The following SH3KBP1 variants were observed in gnomAD, a reference collection of about 807,000 sequenced individuals.
The protein encoded by SH3KBP1 is SH3 domain-containing kinase-binding protein 1.
In SH3KBP1, 8 loss-of-function variants were observed where a neutral mutation model predicts 50.1. The observed-to-expected ratio is 0.16, with a 90% confidence interval of 0.09 to 0.29. The LOEUF (loss-of-function observed/expected upper bound fraction) is 0.29, where lower values mean the gene tolerates loss of function less well. Among genes scored for constraint, SH3KBP1 ranks in the 10% least tolerant of loss-of-function variants. The pLI is 1.00. For missense variants in SH3KBP1, 377 were observed against 535.2 expected (o/e 0.70, Z 2.92); for synonymous variants, 227 against 218.6 (o/e 1.04, Z -0.34).
chrX:19,798,705 A>G (rs1233158228), intron 2 of SH3KBP1, among the ~76,000 whole-genome samples: 2 of 112,139 alleles, frequency 1.8e-5, no homozygotes, highest in African/African-American at 3.2e-5. Flanking sequence ...GATCAAACCT[A>G]TGACACTGAC....
At chrX:19,652,656 T>C (rs2062158239) in intron 6 of SH3KBP1, among the ~76,000 whole-genome samples, 1 of 112,580 alleles carries the variant, frequency 8.9e-6, no homozygotes, top group Non-Finnish European at 1.9e-5. Flanking sequence ...CTTCAGTTAC[T>C]GTTTAACTTT....
At chrX:19,608,194 G>C (rs1031323054) in intron 8 of SH3KBP1, 149 bp from the exon 9 acceptor site, 5 of 437,280 alleles carry the variant, frequency 1.1e-5, no homozygotes, top group Non-Finnish European at 1.9e-5. Flanking sequence ...CCCAATGTCA[G>C]AGGGGAAAAC....
chrX:19,686,464 A>G (rs940578690), intron 5 of SH3KBP1, among the ~76,000 whole-genome samples: 1 of 111,302 alleles, frequency 9.0e-6, no homozygotes, highest in Non-Finnish European at 1.9e-5. Context: ...ACAGGTAGGC[A>G]GTGGTGAGAG....
At chrX:19,815,871 G>T (rs900415788) in intron 2 of SH3KBP1, among the ~76,000 whole-genome samples, 4 of 112,083 alleles carry the variant, frequency 3.6e-5, no homozygotes, top group Admixed American at 1.9e-4. Flanking sequence ...TCCATGGTAT[G>T]GTTGGACCGG....
intron 2 of SH3KBP1, among the ~76,000 whole-genome samples, chrX:19,823,759 G>C (rs892441066): frequency 4.4e-5 from 5 of 112,457 alleles, no homozygotes; most frequent in African/African-American, 1.6e-4. Context: ...CTACCACCAG[G>C]TATAGAGTGG....
intron 2 of SH3KBP1, among the ~76,000 whole-genome samples, chrX:19,794,396 C>A (rs1056200046): frequency 9.4e-6 from 1 of 106,908 alleles, no homozygotes; most frequent in African/African-American, 3.5e-5. Context: ...AGTGAGATCC[C>A]GTCTCAATAA....
intron 6 of SH3KBP1, among the ~76,000 whole-genome samples, chrX:19,652,602 G>A (rs1250488760): frequency 4.5e-5 from 5 of 111,668 alleles, no homozygotes; most frequent in East Asian, 2.8e-4. Flanking sequence ...CTGAATACTC[G>A]GTCTAATCAA....
chrX:19,610,114 C>A lies in SH3KBP1; in HGVS notation c.898-2069G>T, dbSNP rs754967991. Among the ~76,000 whole-genome samples the A allele has an allele frequency of 6.3e-5, 7 of 111,664 alleles. No homozygotes were observed. In the East Asian group the frequency reaches 8.4e-4, roughly 13 times the overall value. On this transcript the variant is annotated intron_variant, in intron 8 of 17. Transcript: ENST00000397821. The stretch of plus-strand genomic sequence containing the variant: ...TAGCCCCAACTAACAACAAAAAAAA[C>A]CAAAGACCCTTGAAGTATCAAGTTC...
In SH3KBP1 at chrX:19,650,889, C is replaced by T. The variant is rs73193554; in HGVS notation, c.727-5414G>A. Among the ~76,000 whole-genome samples, 586 of 111,503 alleles carry T rather than the reference C, an allele frequency of 5.3e-3. 1 individual carries two copies. Among genetic ancestry groups the T allele is most frequent in the Middle Eastern group, 0.018 (4 of 217 alleles). On this transcript the variant is annotated intron_variant, in intron 6 of 17. Coordinates refer to ENST00000397821, the MANE Select transcript of SH3KBP1 (RefSeq NM_031892.3). ...ACCATTCCACACAGTTATCCTGAAT[C>T]CTGCTCATATATGGGATACAGAGAG...
At chrX:19,775,237 T>C (rs1167236173) in intron 2 of SH3KBP1, among the ~76,000 whole-genome samples, 1 of 111,380 alleles carries the variant, frequency 9.0e-6, no homozygotes, top group Non-Finnish European at 1.9e-5. Flanking sequence ...CTCACTGAGG[T>C]AAAGTACCAC....
chrX:19,719,588 C>G (rs757897794), intron 3 of SH3KBP1, among the ~76,000 whole-genome samples: 1 of 111,296 alleles, frequency 9.0e-6, no homozygotes, highest in Admixed American at 9.6e-5. Flanking sequence ...GCATGAAGAA[C>G]TCAACATCCT....
At chrX:19,877,559 T>C (rs919375814) in intron 1 of SH3KBP1, among the ~76,000 whole-genome samples, 6 of 111,833 alleles carry the variant, frequency 5.4e-5, no homozygotes, top group African/African-American at 1.6e-4. Context: ...TAACATGTGA[T>C]GGCTAAAACT....
chrX:19,722,875 C>A (rs2148730369), intron 3 of SH3KBP1, among the ~76,000 whole-genome samples: 1 of 109,979 alleles, frequency 9.1e-6, no homozygotes, highest in East Asian at 2.8e-4. Flanking sequence ...TGGCTCATGC[C>A]TGTAATCCCA....
chrX:19,882,801 T>C (rs1190391815), intron 1 of SH3KBP1, among the ~76,000 whole-genome samples: 1 of 111,750 alleles, frequency 8.9e-6, no homozygotes, highest in Admixed American at 9.5e-5. Context: ...GAAGTGCCTG[T>C]GTGATACTCT....
rs755138734 is a variant in SH3KBP1, at chrX:19,782,197, AGAG to A, written c.163-35759_163-35757del. Reference sequence around the variant, plus strand: ...GAGACACACAGAGGAGAAGATGGACAGAGGAGAAGGCAATGTGAAGAGGAAGGC... The same window carrying A: ...GAGACACACAGAGGAGAAGATGGACAGAGAAGGCAATGTGAAGAGGAAGGC... On this transcript the variant is annotated intron_variant, in intron 2 of 17. Transcript: ENST00000397821. Among the ~76,000 whole-genome samples, 608 of 111,508 alleles carry A rather than the reference AGAG, an allele frequency of 5.5e-3. 2 individuals carry two copies. Among genetic ancestry groups the A allele is most frequent in the Middle Eastern group, 0.014 (3 of 219 alleles).
rs1345182130 is a variant in SH3KBP1, at chrX:19,830,586, G to T, written c.162+5539C>A. Reference sequence around the variant, plus strand: ...AGCCTAGGCAACATAGTGAGACCCTGTCTCTACATAATTTTTTTTTTTTTA... The same window carrying T: ...AGCCTAGGCAACATAGTGAGACCCTTTCTCTACATAATTTTTTTTTTTTTA... On this transcript the variant is annotated intron_variant, in intron 2 of 17. Coordinates refer to ENST00000397821, the MANE Select transcript of SH3KBP1 (RefSeq NM_031892.3). Among the ~76,000 whole-genome samples the T allele has an allele frequency of 3.7e-5, 4 of 109,160 alleles. No homozygotes were observed. The East Asian group carries it at 1.1e-3, about 31-fold the overall frequency. The allele number at this position is 109,160 out of a possible 115,157, so 94.8% of individuals were successfully genotyped here. A position where few individuals can be genotyped will look rare whatever the true frequency, so the allele number is the denominator to read the frequency against.
At chrX:19,821,137 T>C (rs192295456) in intron 2 of SH3KBP1, among the ~76,000 whole-genome samples, 99 of 112,348 alleles carry the variant, frequency 8.8e-4, no homozygotes, top group African/African-American at 2.9e-3. Flanking sequence ...ACACCTGTAA[T>C]CCCAGCACTT....
At chrX:19,738,694 C>CAAAA (rs1193680181) in intron 3 of SH3KBP1, among the ~76,000 whole-genome samples, 62 of 37,053 alleles carry the variant, frequency 1.7e-3, no homozygotes, top group African/African-American at 2.5e-3. Context: ...GTCAGCAATG[C>CAAAA]AAAAAAAAAA....
At chrX:19,665,845 G>T (rs2062585141) in intron 6 of SH3KBP1, among the ~76,000 whole-genome samples, 1 of 111,856 alleles carries the variant, frequency 8.9e-6, no homozygotes, top group African/African-American at 3.3e-5. Flanking sequence ...CCATCCCACT[G>T]AAAGCCAGTT....
Sources: gnomAD v4.1 joint callset for allele counts (sites outside exome capture counted in the v4.1 genomes callset) on GRCh38, gnomAD v4.1.1 for gene constraint, MANE v1.5 for transcripts, NCBI Gene and HGNC (gene_info 2026-07-23, HGNC 2026-07-21) for gene names.